Variants in FGF13 observed in about 807,000 individuals in gnomAD.
FGF13 encodes fibroblast growth factor homologous factor 2.
A neutral mutation model predicts 19.5 loss-of-function variants in FGF13; 2 were observed. That is an observed-to-expected ratio of 0.10 (90% CI 0.04 to 0.32). FGF13 has a LOEUF of 0.32. Ranked by LOEUF, FGF13 falls within the 10% of genes least tolerant of loss-of-function variation. The pLI is 1.00. For synonymous variants in FGF13, 72 were observed against 76.9 expected, an observed-to-expected ratio of 0.94 and a Z score of 0.33; for missense variants, 113 against 192.7, an observed-to-expected ratio of 0.59 and a Z score of 2.45.
chrX:138,984,752 A>AGAAGAG (rs1569436336), intron 1 of FGF13, among the ~76,000 whole-genome samples: 1 of 106,928 alleles, frequency 9.4e-6, no homozygotes, highest in African/African-American at 3.4e-5. Flanking sequence ...GAGGAGGAGA[A>AGAAGAG]GGAGGAGAAA....
chrX:139,026,125 G>A (rs2092199854), intron 1 of FGF13, among the ~76,000 whole-genome samples: 1 of 110,400 alleles, frequency 9.1e-6, no homozygotes, highest in Non-Finnish European at 1.9e-5. Flanking sequence ...CCACTTCACT[G>A]GTGAAATGTC....
intron 3 of FGF13, among the ~76,000 whole-genome samples, chrX:138,657,749 ATCC>A (rs1405990326): frequency 8.9e-6 from 1 of 112,009 alleles, no homozygotes; most frequent in African/African-American, 3.2e-5. Flanking sequence ...TATTCTGGTA[ATCC>A]AAAACCAAAA....
At chrX:139,137,756 C>T (rs1481094822) in intron 1 of FGF13, among the ~76,000 whole-genome samples, 2 of 112,557 alleles carry the variant, frequency 1.8e-5, no homozygotes, top group Admixed American at 9.4e-5. Context: ...GCTAAACCCA[C>T]TTCAACAACT....
At chrX:138,662,958 T>G (rs924547421) in intron 3 of FGF13, among the ~76,000 whole-genome samples, 2 of 110,981 alleles carry the variant, frequency 1.8e-5, no homozygotes, top group Non-Finnish European at 3.8e-5. Flanking sequence ...CAAAGCCTTA[T>G]TCAGGATTTC....
chrX:139,139,333 A>G (rs958477387), intron 1 of FGF13, among the ~76,000 whole-genome samples: 4 of 112,311 alleles, frequency 3.6e-5, no homozygotes, highest in African/African-American at 1.3e-4. Flanking sequence ...GAAATGCCCA[A>G]GAGTCCACAA....
At chrX:138,809,058 C>A (rs1316105782) in intron 3 of FGF13, among the ~76,000 whole-genome samples, 3 of 111,796 alleles carry the variant, frequency 2.7e-5, no homozygotes, top group Non-Finnish European at 1.9e-5. Flanking sequence ...CTATTCCAAT[C>A]AATAGAAAAA....
chrX:138,914,636 CTTTTTT>C (rs34940979), intron 1 of FGF13, among the ~76,000 whole-genome samples: 1 of 76,960 alleles, frequency 1.3e-5, no homozygotes, highest in South Asian at 7.6e-4. Flanking sequence ...TTGTGTTGGA[CTTTTTT>C]TTTTTTTTTT....
In FGF13 at chrX:138,914,420, T is replaced by C. The variant is rs2091607589; in HGVS notation, c.-112-49770A>G. Among the ~76,000 whole-genome samples, 2 of 111,149 alleles carry C rather than the reference T, an allele frequency of 1.8e-5. 1 individual carries two copies. The highest frequency in any genetic ancestry group is 8.4e-3 in the Middle Eastern group (2 of 238). On this transcript the variant is annotated intron_variant, in intron 1 of 2. Coordinates refer to the FGF13 transcript ENST00000421460. ...TCTCAGCCTGCTCTTTCTGAAACCATTTGCAAAAAGTGAAAGTCTAGCCCT... is the reference window on the plus strand; with the variant it reads ...TCTCAGCCTGCTCTTTCTGAAACCACTTGCAAAAAGTGAAAGTCTAGCCCT...
intron 1 of FGF13, among the ~76,000 whole-genome samples, chrX:139,099,164 A>T (rs1215234260): frequency 2.7e-5 from 3 of 110,957 alleles, no homozygotes; most frequent in Non-Finnish European, 3.8e-5. Context: ...GCCTAAAATA[A>T]CGTAGCCAAA....
At chrX:138,900,794 C>A (rs2091528440) in intron 1 of FGF13, among the ~76,000 whole-genome samples, 1 of 111,501 alleles carries the variant, frequency 9.0e-6, no homozygotes. Flanking sequence ...ACTTCCCTGG[C>A]CTTATCTCCT....
At chrX:138,679,340 A>C (rs778840020) in intron 3 of FGF13, among the ~76,000 whole-genome samples, 13 of 110,552 alleles carry the variant, frequency 1.2e-4, no homozygotes, top group Non-Finnish European at 1.9e-5. Context: ...CAGCCACCCA[A>C]ACTGCTGGGG....
intron 1 of FGF13, among the ~76,000 whole-genome samples, chrX:138,950,213 A>G (rs147351073): frequency 0.014 from 1,545 of 111,211 alleles, 25 homozygotes; most frequent in African/African-American, 0.049. Flanking sequence ...TCAAACAGAT[A>G]TATTCTGTGA....
chrX:139,109,527 G>A (rs188722907), intron 1 of FGF13, among the ~76,000 whole-genome samples: 21 of 111,456 alleles, frequency 1.9e-4, no homozygotes, highest in African/African-American at 5.5e-4. Flanking sequence ...GGGCTTTCTC[G>A]GCTATTAAGA....
At chrX:139,007,949 T>C (rs1216677090) in intron 1 of FGF13, among the ~76,000 whole-genome samples, 1 of 112,859 alleles carries the variant, frequency 8.9e-6, no homozygotes, top group Admixed American at 9.3e-5. Context: ...CTCAGTGCTG[T>C]TGTGGGGGCA....
chrX:139,180,891 A>G (rs1569461798), intron 1 of FGF13, among the ~76,000 whole-genome samples: 2 of 112,331 alleles, frequency 1.8e-5, no homozygotes, highest in African/African-American at 6.5e-5. Flanking sequence ...TATCTGCTGC[A>G]CTATTCCTAC....
At chrX:138,878,884 C>T (rs1380540557) in intron 1 of FGF13, among the ~76,000 whole-genome samples, 2 of 111,704 alleles carry the variant, frequency 1.8e-5, no homozygotes, top group East Asian at 2.8e-4. Context: ...TTTTTATTTG[C>T]GTTTCTCTGA....
rs1392413945 is a variant in FGF13 at position 138,744,978 on chromosome X, G to A, written c.218-36050C>T. Among the ~76,000 whole-genome samples the A allele has an allele frequency of 4.5e-5, 5 of 111,841 alleles. No individual in the cohort carries two copies. The East Asian group carries it at 1.1e-3, about 25-fold the overall frequency. ...TCATAAGAAACAAATCTAAACAAGT[G>A]TACACAGCTGGTACTACTATATCTA... is the stretch of plus-strand genomic sequence containing the variant. On this transcript the variant is annotated intron_variant, in intron 3 of 6. Coordinates refer to the FGF13 transcript ENST00000436198.
intron 3 of FGF13, among the ~76,000 whole-genome samples, chrX:138,794,245 T>G (rs942943412): frequency 2.7e-5 from 3 of 111,951 alleles, no homozygotes; most frequent in African/African-American, 6.5e-5. Flanking sequence ...CAGCCAGTAT[T>G]TTTTGCAACT....
chrX:138,757,099 C>A (rs2090436255), intron 3 of FGF13, among the ~76,000 whole-genome samples: 1 of 110,731 alleles, frequency 9.0e-6, no homozygotes, highest in Non-Finnish European at 1.9e-5. Flanking sequence ...GAGAAACAAC[C>A]CTGTCTGTGC....
Sources: gnomAD v4.1 joint callset for allele counts (sites outside exome capture counted in the v4.1 genomes callset) on GRCh38, gnomAD v4.1.1 for gene constraint, MANE v1.5 for transcripts, NCBI Gene and HGNC (gene_info 2026-07-23, HGNC 2026-07-21) for gene names.